Variants in MACROD2 observed in about 807,000 individuals in gnomAD.
MACROD2 encodes the protein ADP-ribose glycohydrolase MACROD2.
MACROD2 carries 36 observed loss-of-function variants against 70.4 expected under a neutral mutation model. The observed-to-expected ratio is 0.51, with a 90% CI of 0.39 to 0.68. The LOEUF (loss-of-function observed/expected upper bound fraction) is 0.68. MACROD2 is among the 30% of genes least tolerant of loss of function. The pLI, the probability that MACROD2 is intolerant of heterozygous loss-of-function variation, is 0.00. For synonymous variants in MACROD2, 172 were observed against 178.8 expected (o/e 0.96, Z 0.30); for missense variants, 496 against 538.4 (o/e 0.92, Z 0.78).
At chr20:15,300,676 A>C (rs2077633398) in intron 6 of MACROD2, among the ~76,000 whole-genome samples, 1 of 152,138 alleles carries the variant, frequency 6.6e-6, no homozygotes, top group Admixed American at 6.6e-5. Context: ...CTTGAGCTTC[A>C]AGAAGAAGCT....
intron 5 of MACROD2, among the ~76,000 whole-genome samples, chr20:14,908,631 C>T (rs2073989134): frequency 6.6e-6 from 1 of 151,880 alleles, no homozygotes; most frequent in Non-Finnish European, 1.5e-5. Flanking sequence ...CCACTGCACT[C>T]TAGCCTGGGT....
At chr20:15,032,471 G>C (rs986950051) in intron 5 of MACROD2, among the ~76,000 whole-genome samples, 1 of 152,226 alleles carries the variant, frequency 6.6e-6, no homozygotes, top group African/African-American at 2.4e-5. Flanking sequence ...GCCCAACAGA[G>C]TAGGATGGGG....
At chr20:15,461,007 T>TATATATATATATATATATA (rs1491341955) in intron 7 of MACROD2, among the ~76,000 whole-genome samples, 1 of 42,844 alleles carries the variant, frequency 2.3e-5, no homozygotes. Context: ...TATATATATA[T>TATATATATATATATATATA]TTTTTTTTAA....
At chr20:14,338,208 C>T (rs1465874439) in intron 3 of MACROD2, among the ~76,000 whole-genome samples, 1 of 152,140 alleles carries the variant, frequency 6.6e-6, no homozygotes, top group East Asian at 1.9e-4. Context: ...TCGAGACCAG[C>T]CTGACCAACA....
At chr20:15,285,369 T>C (rs1399828030) in intron 6 of MACROD2, among the ~76,000 whole-genome samples, 3 of 152,214 alleles carry the variant, frequency 2.0e-5, no homozygotes, top group Admixed American at 6.5e-5. Flanking sequence ...ATCTTAGCTA[T>C]CTACTTCCAC....
intron 3 of MACROD2, among the ~76,000 whole-genome samples, chr20:14,255,722 T>TAAAA (rs879494630): frequency 9.9e-5 from 7 of 70,722 alleles, no homozygotes; most frequent in African/African-American, 1.5e-4. Context: ...AATAAATAAA[T>TAAAA]AAAAAAGAAA....
chr20:15,285,071 T>TG (rs11484195), intron 6 of MACROD2, among the ~76,000 whole-genome samples: 35,880 of 152,074 alleles, frequency 0.24, 4,729 homozygotes, highest in African/African-American at 0.37. Context: ...TTACAAAACT[T>TG]GGAAATAGGT....
At chr20:14,396,461 C>A (rs896459093) in intron 3 of MACROD2, among the ~76,000 whole-genome samples, 18 of 151,984 alleles carry the variant, frequency 1.2e-4, no homozygotes, top group Non-Finnish European at 2.4e-4. Context: ...ATAGTGAAAC[C>A]TTCTTTATTC....
chr20:14,350,389 T>C (rs1195980559), intron 3 of MACROD2, among the ~76,000 whole-genome samples: 2 of 152,072 alleles, frequency 1.3e-5, no homozygotes, highest in Non-Finnish European at 2.9e-5. Flanking sequence ...CTCGCCAGCA[T>C]TTATTATTGC....
intron 4 of MACROD2, among the ~76,000 whole-genome samples, chr20:14,527,793 G>A (rs1014292360): frequency 2.8e-4 from 42 of 152,302 alleles, no homozygotes; most frequent in South Asian, 1.0e-3. Flanking sequence ...TGGTTCACCT[G>A]AGCCTGTAAG....
chr20:14,208,203 TGTAGTG>T (rs898869564), intron 3 of MACROD2, among the ~76,000 whole-genome samples: 15 of 152,148 alleles, frequency 9.9e-5, no homozygotes, highest in African/African-American at 3.4e-4. Context: ...ATATTGTAGT[TGTAGTG>T]GAATAGATGG....
intron 4 of MACROD2, among the ~76,000 whole-genome samples, chr20:14,525,017 A>G (rs1389100408): frequency 6.6e-6 from 1 of 152,034 alleles, no homozygotes; most frequent in Non-Finnish European, 1.5e-5. Context: ...TATGTTGAAA[A>G]CGCAGGGTGA....
intron 10 of MACROD2, among the ~76,000 whole-genome samples, chr20:15,901,114 C>T (rs953725445): frequency 3.9e-5 from 6 of 152,134 alleles, no homozygotes; most frequent in Admixed American, 6.5e-5. Flanking sequence ...TTGCTTGCAT[C>T]GCACATCTAG....
intron 3 of MACROD2, among the ~76,000 whole-genome samples, chr20:14,195,810 C>G (rs536536363): frequency 3.3e-5 from 5 of 152,298 alleles, no homozygotes; most frequent in Admixed American, 1.3e-4. Flanking sequence ...CTGGCTCCCC[C>G]ATCTGCTGAG....
At chr20:14,493,624 T>A in intron 4 of MACROD2, 116 bp downstream of exon 4, 1 of 766,686 alleles carries the variant, frequency 1.3e-6, no homozygotes. Context: ...AGTCATCAAT[T>A]ACAAAAATGT....
At chr20:14,964,052 GT>G (rs552564830) in intron 5 of MACROD2, among the ~76,000 whole-genome samples, 2,406 of 150,590 alleles carry the variant, frequency 0.016, 63 homozygotes, top group African/African-American at 0.054. Context: ...TTTTTTCTGT[GT>G]TTTTTTTTCT....
intron 5 of MACROD2, among the ~76,000 whole-genome samples, chr20:14,942,116 T>C (rs1427096603): frequency 1.3e-5 from 2 of 152,050 alleles, no homozygotes; most frequent in Non-Finnish European, 2.9e-5. Context: ...TGATCTTCTG[T>C]AGACACTCTA....
chr20:14,811,993 T>A (rs1474555092), intron 5 of MACROD2, among the ~76,000 whole-genome samples: 1 of 152,140 alleles, frequency 6.6e-6, no homozygotes, highest in African/African-American at 2.4e-5. Flanking sequence ...TGTAAGTTAC[T>A]TCAACCATTG....
rs748328096 is a variant in MACROD2, at chr20:15,423,758, G to A, written c.541-7647G>A. ...CTAATGCCATCATATTGGGAATTAGGTTTCAGCGTATGGATTTAGGGCATG... is the reference window on the plus strand; with the variant it reads ...CTAATGCCATCATATTGGGAATTAGATTTCAGCGTATGGATTTAGGGCATG... On this transcript the variant is annotated intron_variant, in intron 6 of 17. Coordinates refer to ENST00000684519, the MANE Select transcript of MACROD2 (RefSeq NM_001351661.2). Among the ~76,000 whole-genome samples the A allele has an allele frequency of 6.6e-5, 10 of 152,088 alleles. No individual in the cohort carries two copies. In the East Asian group the frequency reaches 1.9e-3, roughly 29 times the overall value.
Sources: allele counts gnomAD v4.1 joint callset (sites outside exome capture counted in the v4.1 genomes callset), GRCh38; gene constraint gnomAD v4.1.1; transcripts MANE v1.5; gene names NCBI Gene and HGNC (gene_info 2026-07-23, HGNC 2026-07-21).